Variants in KCNH8 observed in about 807,000 individuals in gnomAD.
The protein encoded by KCNH8 is voltage-gated delayed rectifier potassium channel KCNH8.
KCNH8 carries 70 observed loss-of-function variants against 103.6 expected under a neutral mutation model. The ratio of observed to expected loss-of-function variants is 0.68; its 90% CI spans 0.56 to 0.82. The LOEUF is 0.82. Ranked by LOEUF, KCNH8 falls within the 40% of genes least tolerant of loss-of-function variation. The pLI is 0.00. For missense variants in KCNH8, 1,217 were observed against 1,329.9 expected (o/e 0.92, Z 1.32); for synonymous variants, 498 against 489.4 (o/e 1.02, Z -0.23).
In KCNH8 at chr3:19,454,836, C is replaced by T. The variant is rs145969159; in HGVS notation, c.1826-1932C>T. 2.0e-4 allele frequency among the ~76,000 whole-genome samples: 31 copies of T among 152,196 alleles called. No homozygotes were observed. The East Asian group carries it at 5.2e-3, about 26-fold the overall frequency. ...AAGTGCAAATTGCTGCATGACCATT[C>T]TAAACACTGGTATGTGGTACTGGGA... On this transcript the variant is annotated intron_variant, in intron 10 of 15. Transcript: ENST00000328405.
chr3:19,329,213 C>G (rs868605919), intron 3 of KCNH8, among the ~76,000 whole-genome samples: 14 of 152,282 alleles, frequency 9.2e-5, no homozygotes, highest in Admixed American at 5.9e-4. Context: ...CACTAACTTG[C>G]AGCTCTTGTA....
chr3:19,474,044 G>C (rs778669687), intron 11 of KCNH8, among the ~76,000 whole-genome samples: 4 of 152,102 alleles, frequency 2.6e-5, no homozygotes, highest in Admixed American at 6.6e-5. Flanking sequence ...ACATTTCACA[G>C]GTCATCCTTA....
At chr3:19,178,584 G>C (rs958069911) in intron 1 of KCNH8, among the ~76,000 whole-genome samples, 4 of 152,130 alleles carry the variant, frequency 2.6e-5, no homozygotes, top group African/African-American at 9.7e-5. Context: ...GGGGAATAGA[G>C]AAAGGAGAAT....
At chr3:19,515,517 C>A in intron 14 of KCNH8, 89 bp downstream of exon 14, 1 of 535,948 alleles carries the variant, frequency 1.9e-6, no homozygotes. Context: ...TTTTTGCTTT[C>A]CTGTCCTTAG....
At chr3:19,170,869 G>C (rs1296332513) in intron 1 of KCNH8, among the ~76,000 whole-genome samples, 4 of 147,706 alleles carry the variant, frequency 2.7e-5, no homozygotes, top group Non-Finnish European at 4.4e-5. Flanking sequence ...GAGTGCAGTG[G>C]CGCAAAATAT....
intron 2 of KCNH8, among the ~76,000 whole-genome samples, chr3:19,275,732 C>A (rs1263088299): frequency 2.6e-5 from 4 of 152,102 alleles, no homozygotes; most frequent in Non-Finnish European, 1.5e-5. Flanking sequence ...CATTCCCCTC[C>A]TTTTTAACAT....
At chr3:19,292,927 C>G (rs1259615808) in intron 3 of KCNH8, among the ~76,000 whole-genome samples, 1 of 152,166 alleles carries the variant, frequency 6.6e-6, no homozygotes, top group Admixed American at 6.6e-5. Flanking sequence ...AACTTTGTCA[C>G]GTGGCCATGG....
At chr3:19,160,957 A>G (rs748105792) in intron 1 of KCNH8, among the ~76,000 whole-genome samples, 27 of 152,166 alleles carry the variant, frequency 1.8e-4, no homozygotes, top group Non-Finnish European at 2.9e-4. Context: ...AAAAGAAGTC[A>G]GAAAGTGCTT....
intron 7 of KCNH8, among the ~76,000 whole-genome samples, chr3:19,419,356 C>T (rs1434346897): frequency 5.3e-5 from 8 of 151,326 alleles, no homozygotes; most frequent in East Asian, 2.0e-4. Flanking sequence ...CCCGCCACCA[C>T]GCCCGGCTAA....
chr3:19,451,455 T>A, intron 10 of KCNH8, 51 bp downstream of exon 10: 3 of 1,570,212 alleles, frequency 1.9e-6, no homozygotes, highest in Non-Finnish European at 2.6e-6. Context: ...GAGCATAAAT[T>A]AAGAAGATGA....
chr3:19,517,954 G>C (rs914455870), intron 14 of KCNH8, 44 bp from the exon 15 acceptor site: 1 of 1,462,836 alleles, frequency 6.8e-7, no homozygotes, highest in Admixed American at 1.8e-5. Flanking sequence ...CAAATATAAG[G>C]TTTATTCCTA....
At chr3:19,479,981 T>C (rs1294705834) in intron 11 of KCNH8, among the ~76,000 whole-genome samples, 1 of 152,244 alleles carries the variant, frequency 6.6e-6, no homozygotes, top group East Asian at 1.9e-4. Context: ...AGTCTTATAA[T>C]ACACGTCTCA....
Position 19,260,487 on chromosome 3 carries a change from GATATATATATAT to G in KCNH8, c.310+6636_310+6647del, listed in dbSNP as rs57661437. ...ATTTAATATATGTATTACTCTATAG[GATATATATATAT>G]ATATATATATATATATATATATATA... On this transcript the variant is annotated intron_variant, in intron 2 of 15. Transcript: ENST00000328405. 6.9e-3 allele frequency among the ~76,000 whole-genome samples: 278 copies of G among 40,032 alleles called. 4 individuals are homozygous for G. Among genetic ancestry groups the G allele is most frequent in the Admixed American group, 0.015 (52 of 3,562 alleles). 26.3% of individuals were successfully genotyped at this position (40,032 alleles called of 152,430 possible).
At chr3:19,323,699 T>C (rs927114270) in intron 3 of KCNH8, among the ~76,000 whole-genome samples, 3 of 152,172 alleles carry the variant, frequency 2.0e-5, no homozygotes, top group Non-Finnish European at 4.4e-5. Flanking sequence ...GGATGCTCCC[T>C]TGATGTGGTG....
intron 7 of KCNH8, among the ~76,000 whole-genome samples, chr3:19,426,223 T>C (rs532590702): frequency 6.6e-6 from 1 of 152,192 alleles, no homozygotes; most frequent in African/African-American, 2.4e-5. Flanking sequence ...CCTTTTCCCA[T>C]TGTTGCTATG....
chr3:19,465,628 C>A (rs894889648), intron 11 of KCNH8, among the ~76,000 whole-genome samples: 2 of 151,544 alleles, frequency 1.3e-5, no homozygotes, highest in African/African-American at 4.9e-5. Context: ...ATAGTGATTT[C>A]TTTGATGGAC....
intron 2 of KCNH8, among the ~76,000 whole-genome samples, chr3:19,275,511 A>G (rs1285244856): frequency 6.6e-6 from 1 of 152,136 alleles, no homozygotes; most frequent in Non-Finnish European, 1.5e-5. Flanking sequence ...AAATTCAGTG[A>G]GGACTGAGCA....
At chr3:19,330,836 T>C (rs1272753278) in intron 3 of KCNH8, among the ~76,000 whole-genome samples, 1 of 152,212 alleles carries the variant, frequency 6.6e-6, no homozygotes, top group African/African-American at 2.4e-5. Flanking sequence ...GGATCACCTA[T>C]AGGCAAAGGA....
chr3:19,490,513 A>T (rs1022860277), intron 11 of KCNH8, among the ~76,000 whole-genome samples: 1 of 152,210 alleles, frequency 6.6e-6, no homozygotes, highest in Non-Finnish European at 1.5e-5. Context: ...GTGCTTTTCC[A>T]TACAATGTCT....
Sources: gnomAD v4.1 joint callset for allele counts (sites outside exome capture counted in the v4.1 genomes callset) on GRCh38, gnomAD v4.1.1 for gene constraint, MANE v1.5 for transcripts, NCBI Gene and HGNC (gene_info 2026-07-23, HGNC 2026-07-21) for gene names.